Variants in HADH observed in about 807,000 individuals in gnomAD.
HADH encodes the protein hydroxyacyl-CoA dehydrogenase.
Under a neutral mutation model 32.2 loss-of-function variants are expected in HADH, and 24 were observed. The ratio of observed to expected loss-of-function variants is 0.75; its 90% CI spans 0.54 to 1.05. HADH has a LOEUF of 1.05. Among genes scored for constraint, HADH ranks in the 50% least tolerant of loss-of-function variants. The pLI, the probability that HADH is intolerant of heterozygous loss-of-function variation, is 0.00. For missense variants in HADH, 350 were observed against 397.1 expected, an observed-to-expected ratio of 0.88 and a Z score of 1.01; for synonymous variants, 139 against 152.5, an observed-to-expected ratio of 0.91 and a Z score of 0.65.
chr4:108,033,249 T>C lies in HADH; in HGVS notation c.783T>C (p.Leu261=). The C allele has an allele frequency of 6.2e-7, 1 of 1,605,874 alleles. No homozygotes were observed. Among genetic ancestry groups the C allele is most frequent in the Non-Finnish European group, 8.5e-7 (1 of 1,172,512 alleles). The part of the protein sequence containing the change: ...GAGYPMGPFE[L]LDYVGLDTTK... ...GTTACCCCATGGGCCCATTTGAGCT[T>C]CTAGATTATGTCGGACTGGATACTA... Residue 261 remains leucine, a synonymous_variant, in exon 7 of 8, where the codon CTT becomes CTC. Coordinates refer to ENST00000309522, the MANE Select transcript of HADH (RefSeq NM_005327.7).
chr4:108,025,621 C>T (rs941572298), intron 5 of HADH: 2 of 152,152 alleles, frequency 1.3e-5, no homozygotes, highest in African/African-American at 4.8e-5. Context: ...AGGCACGGTG[C>T]CTCACGCCTA....
At chr4:108,019,722 G>A in intron 4 of HADH, 56 bp downstream of exon 4, 1 of 1,607,374 alleles carries the variant, frequency 6.2e-7, no homozygotes, top group Middle Eastern at 1.7e-4. Context: ...TCTCAGTCCT[G>A]CTTTTCTGTG....
intron 2 of HADH, among the ~76,000 whole-genome samples, chr4:108,010,098 T>G (rs976923043): frequency 6.7e-6 from 1 of 149,744 alleles, no homozygotes. Flanking sequence ...GAGAAGTAAA[T>G]AACCATTTTG....
intron 1 of HADH, among the ~76,000 whole-genome samples, chr4:108,001,437 A>G (rs1282093674): frequency 1.3e-5 from 2 of 152,260 alleles, no homozygotes; most frequent in Non-Finnish European, 2.9e-5. Flanking sequence ...GAACAGACAG[A>G]TAAGAAACTG....
chr4:107,997,558 A>G (rs1578243277), intron 1 of HADH, among the ~76,000 whole-genome samples: 1 of 151,902 alleles, frequency 6.6e-6, no homozygotes, highest in Non-Finnish European at 1.5e-5. Flanking sequence ...TATTTTTACA[A>G]CTCTGAAGCA....
chr4:108,004,791 A>G (rs1217321756), intron 1 of HADH: 8 of 1,535,890 alleles, frequency 5.2e-6, no homozygotes, highest in South Asian at 1.2e-5. Context: ...GGACAGCCTT[A>G]GGAGTTACTA....
intron 4 of HADH, among the ~76,000 whole-genome samples, chr4:108,023,020 G>A (rs1415328889): frequency 1.5e-5 from 2 of 136,788 alleles, no homozygotes; most frequent in East Asian, 2.2e-4. Context: ...TTGAGACGGT[G>A]TCTTGCTCTG....
intron 1 of HADH, among the ~76,000 whole-genome samples, chr4:107,993,305 C>G (rs538088714): frequency 2.6e-5 from 4 of 152,268 alleles, no homozygotes; most frequent in Non-Finnish European, 4.4e-5. Context: ...CCCGCTGATG[C>G]TGCAGCGGGT....
chr4:108,004,839 T>A, intron 1 of HADH: 1 of 1,535,934 alleles, frequency 6.5e-7, no homozygotes, highest in Non-Finnish European at 8.7e-7. Flanking sequence ...GGAAGGAACA[T>A]GACCCTGCGG....
rs557161860 is a variant in HADH at position 108,019,521 on chromosome 4, C to T, written c.420-19C>T. On this transcript the variant is annotated intron_variant, in intron 3 of 7. Transcript: ENST00000309522. Reference sequence around the variant, plus strand: ...GAAGAGATTCACTCTGATACTCCCACTATATTTTCTCTTCACAGACATACA... The same window carrying T: ...GAAGAGATTCACTCTGATACTCCCATTATATTTTCTCTTCACAGACATACA... The T allele has an allele frequency of 9.9e-6, 16 of 1,610,752 alleles. No individual in the cohort carries two copies. The South Asian group carries it at 1.8e-4, about 18-fold the overall frequency.
Position 108,034,372 on chromosome 4 carries a change from G to GA in HADH, c.*15_*16insA. 6.8e-7 allele frequency: 1 copy of GA among 1,475,980 alleles called. No individual in the cohort carries two copies. Among genetic ancestry groups the GA allele is most frequent in the Non-Finnish European group, 9.5e-7 (1 of 1,054,012 alleles). The allele number at this position is 1,475,980 out of a possible 1,614,324, so 91.4% of individuals were successfully genotyped here. ...AATACAAGTGATGTGCAGCTTCTCC[G>GA]GCTCTGAGAAGAACACCTGAGAGCG... On this transcript the variant is annotated 3_prime_UTR_variant, in exon 8 of 8. Coordinates refer to ENST00000309522, the MANE Select transcript of HADH (RefSeq NM_005327.7).
At chr4:108,004,895 G>A in intron 1 of HADH, 2 of 1,535,842 alleles carry the variant, frequency 1.3e-6, no homozygotes, top group Non-Finnish European at 1.7e-6. Context: ...TGGAAGCCCA[G>A]CTGGGAGGCT....
intron 1 of HADH, among the ~76,000 whole-genome samples, chr4:108,005,546 A>G (rs1578248647): frequency 6.6e-6 from 1 of 152,352 alleles, no homozygotes; most frequent in South Asian, 2.1e-4. Flanking sequence ...AGTTATAGGC[A>G]TAATGGTAAC....
At chr4:108,031,564 C>A (rs1736263289) in intron 6 of HADH, 1 of 152,276 alleles carries the variant, frequency 6.6e-6, no homozygotes, top group African/African-American at 2.4e-5. Flanking sequence ...GTTCTCTCTA[C>A]CTAGAATGCC....
intron 1 of HADH, among the ~76,000 whole-genome samples, chr4:107,992,878 GCTGAGGGGGGCAGATCAT>G (rs1734854274): frequency 6.6e-6 from 1 of 152,198 alleles, no homozygotes; most frequent in Non-Finnish European, 1.5e-5. Flanking sequence ...ACTTTGGGAG[GCTGAGGGGGGCAGATCAT>G]CTGAGGTCAG....
intron 1 of HADH, among the ~76,000 whole-genome samples, chr4:108,002,367 C>T (rs1319577105): frequency 6.6e-6 from 1 of 152,132 alleles, no homozygotes; most frequent in Non-Finnish European, 1.5e-5. Context: ...TGTGAGGGAT[C>T]TAGGTTTCGT....
intron 1 of HADH, among the ~76,000 whole-genome samples, chr4:108,006,959 A>G (rs925796208): frequency 3.3e-5 from 5 of 152,222 alleles, no homozygotes; most frequent in African/African-American, 4.8e-5. Context: ...CATCTATAAA[A>G]TGGATTAGGG....
chr4:108,001,875 C>T (rs1418672858), intron 1 of HADH, among the ~76,000 whole-genome samples: 1 of 152,202 alleles, frequency 6.6e-6, no homozygotes, highest in Admixed American at 6.5e-5. Context: ...ACTGAAACTA[C>T]AGAAAGTAAA....
At chr4:107,990,770 TCGGA>T in intron 1 of HADH, among the ~76,000 whole-genome samples, 2 of 133,302 alleles carry the variant, frequency 1.5e-5, no homozygotes, top group Non-Finnish European at 3.1e-5. Context: ...TTTTTTTGAG[TCGGA>T]GTCTCTTTGA....
Sources: gnomAD v4.1 joint callset for allele counts (sites outside exome capture counted in the v4.1 genomes callset) on GRCh38, gnomAD v4.1.1 for gene constraint, MANE v1.5 for transcripts, NCBI Gene and HGNC (gene_info 2026-07-23, HGNC 2026-07-21) for gene names.